The following BCKDHB variants were observed in gnomAD, a reference collection of about 807,000 sequenced individuals.
BCKDHB encodes 2-oxoisovalerate dehydrogenase subunit beta, mitochondrial.
Under a neutral mutation model 48.5 loss-of-function variants are expected in BCKDHB, and 41 were observed. The observed-to-expected ratio is 0.85, with a 90% confidence interval of 0.66 to 1.10. The LOEUF is 1.10. Ranked by LOEUF, BCKDHB falls within the 50% of genes least tolerant of loss-of-function variation. The pLI is 0.00. For synonymous variants in BCKDHB, 201 were observed against 174.8 expected, an observed-to-expected ratio of 1.15 and a Z score of -1.18; for missense variants, 496 against 494.2, an observed-to-expected ratio of 1.00 and a Z score of -0.03.
chr6:80,194,852 A>G (rs1774062115), intron 6 of BCKDHB, among the ~76,000 whole-genome samples: 1 of 152,116 alleles, frequency 6.6e-6, no homozygotes, highest in Admixed American at 6.6e-5. Context: ...GCTGCACTTC[A>G]TTTGATCTCT....
chr6:80,416,897 A>G, the BCKDHB span, among the ~76,000 whole-genome samples: 1 of 151,602 alleles, frequency 6.6e-6, no homozygotes. Flanking sequence ...ATGCTGTACT[A>G]TGCTCTGGCC....
chr6:80,204,667 CTA>C lies in BCKDHB; in HGVS notation c.951+1466_951+1467del, dbSNP rs3842604. Among the ~76,000 whole-genome samples the C allele has an allele frequency of 3.4e-3, 512 of 149,042 alleles. 1 individual carries two copies. Among genetic ancestry groups the C allele is most frequent in the African/African-American group, 0.012 (456 of 38,796 alleles). On this transcript the variant is annotated intron_variant, in intron 8 of 9. Coordinates refer to ENST00000320393, the MANE Select transcript of BCKDHB (RefSeq NM_183050.4). ...TTTAGAACTTTATTTACGTATCTAT[CTA>C]TATATATATAAATAATACCTTAAAC...
the BCKDHB span, among the ~76,000 whole-genome samples, chr6:80,452,758 G>A: frequency 6.6e-6 from 1 of 152,282 alleles, no homozygotes; most frequent in East Asian, 1.9e-4. Context: ...GTAACAAAAT[G>A]AAGGAGGAAG....
intron 8 of BCKDHB, among the ~76,000 whole-genome samples, chr6:80,271,085 T>C (rs1777721149): frequency 6.6e-6 from 1 of 152,116 alleles, no homozygotes; most frequent in South Asian, 2.1e-4. Context: ...TTTTTGATAT[T>C]TTGGAGTGAA....
the BCKDHB span, among the ~76,000 whole-genome samples, chr6:80,443,046 G>A: frequency 6.6e-6 from 1 of 152,136 alleles, no homozygotes; most frequent in South Asian, 2.1e-4. Flanking sequence ...GGGTCAAGAT[G>A]AGCCTAAGTC....
At chr6:80,300,999 G>C (rs1184341553) in intron 9 of BCKDHB, among the ~76,000 whole-genome samples, 1 of 151,944 alleles carries the variant, frequency 6.6e-6, no homozygotes. Flanking sequence ...TGAAAATAGG[G>C]ACACAATTTA....
At chr6:80,294,862 C>T (rs11961362) in intron 9 of BCKDHB, among the ~76,000 whole-genome samples, 14,437 of 148,466 alleles carry the variant, frequency 0.097, 945 homozygotes, top group South Asian at 0.22. Context: ...TGGCTTGTGA[C>T]CTTTATTGGA....
chr6:80,155,759 AG>A (rs1352537769), intron 3 of BCKDHB, among the ~76,000 whole-genome samples: 18 of 151,908 alleles, frequency 1.2e-4, no homozygotes, highest in Non-Finnish European at 2.5e-4. Context: ...GATGCAATAT[AG>A]GAATGTACTT....
In BCKDHB at chr6:80,106,875, AGCCCCGGGAGTACGGTGAGCCCTGGGACT is replaced by A; in HGVS notation, c.187_196+19del. 1 of 1,607,544 alleles carries A rather than the reference AGCCCCGGGAGTACGGTGAGCCCTGGGACT, an allele frequency of 6.2e-7. No individual in the cohort carries two copies. Among genetic ancestry groups the A allele is most frequent in the Non-Finnish European group, 8.5e-7 (1 of 1,177,856 alleles). On this transcript the variant is annotated splice_donor_variant and splice_donor_5th_base_variant and coding_sequence_variant and intron_variant, in exon 1 of 10. Transcript: ENST00000320393. LOFTEE classifies it high-confidence loss of function. ...CATTTTACTTTCCAGCCAGATCCGG[AGCCCCGGGAGTACGGTGAGCCCTGGGACT>A]GCCCACTCGGTCCCGCTGCAGCCCG...
intron 1 of BCKDHB, among the ~76,000 whole-genome samples, chr6:80,122,855 T>C (rs1694299969): frequency 6.6e-6 from 1 of 151,996 alleles, no homozygotes; most frequent in Non-Finnish European, 1.5e-5. Context: ...TTGGAGTTTT[T>C]CCCCACCCTA....
At chr6:80,178,366 G>A (rs567080734) in intron 6 of BCKDHB, among the ~76,000 whole-genome samples, 3 of 152,102 alleles carry the variant, frequency 2.0e-5, no homozygotes, top group Admixed American at 6.5e-5. Flanking sequence ...TAATTTTGAC[G>A]AATACATAAT....
chr6:80,274,433 T>C (rs1436839733), intron 9 of BCKDHB, among the ~76,000 whole-genome samples: 1 of 152,004 alleles, frequency 6.6e-6, no homozygotes, highest in African/African-American at 2.4e-5. Flanking sequence ...ACCTAGTATT[T>C]ATTGTGTATT....
At chr6:80,319,267 T>C (rs1377990750) in intron 9 of BCKDHB, among the ~76,000 whole-genome samples, 1 of 152,230 alleles carries the variant, frequency 6.6e-6, no homozygotes, top group Non-Finnish European at 1.5e-5. Context: ...GCTGACTCTT[T>C]AGGTATGTGG....
chr6:80,429,953 G>T, the BCKDHB span, among the ~76,000 whole-genome samples: 1 of 152,222 alleles, frequency 6.6e-6, no homozygotes, highest in Non-Finnish European at 1.5e-5. Flanking sequence ...GGTTTTCAAA[G>T]GGAATGCTTC....
chr6:80,359,820 T>C, the BCKDHB span, among the ~76,000 whole-genome samples: 1 of 152,184 alleles, frequency 6.6e-6, no homozygotes, highest in Non-Finnish European at 1.5e-5. Flanking sequence ...CTCAAACTCC[T>C]GACCTTGTGA....
intron 9 of BCKDHB, among the ~76,000 whole-genome samples, chr6:80,333,400 A>G (rs574454504): frequency 3.4e-4 from 52 of 152,312 alleles, no homozygotes; most frequent in Non-Finnish European, 5.1e-4. Flanking sequence ...TGTGGTTACT[A>G]TTTAGTCTGG....
chr6:80,139,608 A>G (rs1212088012), intron 3 of BCKDHB, among the ~76,000 whole-genome samples: 3 of 151,882 alleles, frequency 2.0e-5, no homozygotes, highest in Admixed American at 2.0e-4. Context: ...AAGATCAGAT[A>G]GTTGTAGATA....
the BCKDHB span, among the ~76,000 whole-genome samples, chr6:80,444,480 G>C: frequency 6.6e-6 from 1 of 152,092 alleles, no homozygotes; most frequent in African/African-American, 2.4e-5. Context: ...AGCAGACACA[G>C]ATGACAAAAA....
In BCKDHB at chr6:80,344,848, C is replaced by T. The variant is rs1033758540; in HGVS notation, c.*1044C>T. On this transcript the variant is annotated 3_prime_UTR_variant, in exon 10 of 10. Coordinates refer to ENST00000320393, the MANE Select transcript of BCKDHB (RefSeq NM_183050.4). Reference sequence around the variant, plus strand: ...CGTACTTTCTGTATTTAAAAATGGCCCCTCAAGCACCGTTAATTTACATTC... The same window carrying T: ...CGTACTTTCTGTATTTAAAAATGGCTCCTCAAGCACCGTTAATTTACATTC... 1 of 152,012 alleles carries T rather than the reference C, an allele frequency of 6.6e-6. No homozygotes were observed. The highest frequency in any genetic ancestry group is 6.6e-5 in the Admixed American group (1 of 15,264). 9.4% of individuals were successfully genotyped at this position (152,012 alleles called of 1,614,324 possible).
Sources: allele counts gnomAD v4.1 joint callset (sites outside exome capture counted in the v4.1 genomes callset), GRCh38; gene constraint gnomAD v4.1.1; transcripts MANE v1.5; gene names NCBI Gene and HGNC (gene_info 2026-07-23, HGNC 2026-07-21).